The following DACH2 variants were observed in gnomAD, a reference collection of about 807,000 sequenced individuals.
The protein encoded by DACH2 is dachshund homolog 2.
Under a neutral mutation model 35.8 loss-of-function variants are expected in DACH2, and 17 were observed. The ratio of observed to expected loss-of-function variants is 0.48; its 90% confidence interval spans 0.33 to 0.71. DACH2 has a LOEUF of 0.71. Among genes scored for constraint, DACH2 ranks in the 30% least tolerant of loss-of-function variants. The pLI, the probability that DACH2 is intolerant of heterozygous loss-of-function variation, is 0.02. For missense variants in DACH2, 469 were observed against 472.7 expected (o/e 0.99, Z 0.07); for synonymous variants, 195 against 177.3 (o/e 1.10, Z -0.79).
chrX:86,545,029 C>T (rs754823719), intron 3 of DACH2, among the ~76,000 whole-genome samples: 3 of 111,540 alleles, frequency 2.7e-5, no homozygotes, highest in South Asian at 3.8e-4. Flanking sequence ...TCCTGACCTC[C>T]GGTGATCCAC....
intron 2 of DACH2, among the ~76,000 whole-genome samples, chrX:86,457,288 A>G (rs1333638806): frequency 8.9e-6 from 1 of 111,895 alleles, no homozygotes; most frequent in Non-Finnish European, 1.9e-5. Context: ...CAGCTATTAT[A>G]GGGACCAGAG....
chrX:86,746,513 G>A (rs1271916985), intron 7 of DACH2, among the ~76,000 whole-genome samples: 1 of 111,796 alleles, frequency 8.9e-6, no homozygotes, highest in Non-Finnish European at 1.9e-5. Flanking sequence ...ATCATTTTGA[G>A]CATCTTTTCC....
intron 1 of DACH2, among the ~76,000 whole-genome samples, chrX:86,322,698 G>T (rs1286756819): frequency 8.9e-6 from 1 of 112,231 alleles, no homozygotes; most frequent in Non-Finnish European, 1.9e-5. Flanking sequence ...TTTGAGCAAG[G>T]CCCCTTAATG....
intron 5 of DACH2, among the ~76,000 whole-genome samples, chrX:86,696,503 T>G (rs1452235190): frequency 8.9e-6 from 1 of 111,894 alleles, no homozygotes; most frequent in Non-Finnish European, 1.9e-5. Context: ...GCCTCTAGTC[T>G]GACATGTAAA....
At chrX:86,568,336 G>C (rs1211220695) in intron 3 of DACH2, among the ~76,000 whole-genome samples, 1 of 111,239 alleles carries the variant, frequency 9.0e-6, no homozygotes, top group East Asian at 2.8e-4. Context: ...TGTAACAAAT[G>C]CACCACTCTG....
chrX:86,475,973 C>T lies in DACH2; in HGVS notation c.528-38306C>T, dbSNP rs180834671. ...CTTTCATTCTGTTGATACGATGTAC[C>T]ACATCAATTGAGTTGTGTATGTGGA... On this transcript the variant is annotated intron_variant, in intron 2 of 11. Coordinates refer to ENST00000373125, the MANE Select transcript of DACH2 (RefSeq NM_053281.3). Among the ~76,000 whole-genome samples the T allele has an allele frequency of 3.9e-3, 437 of 111,974 alleles. 2 individuals are homozygous for T. The highest frequency in any genetic ancestry group is 0.014 in the African/African-American group (426 of 30,880).
At chrX:86,278,632 G>A (rs1260784892) in intron 1 of DACH2, among the ~76,000 whole-genome samples, 2 of 112,102 alleles carry the variant, frequency 1.8e-5, no homozygotes, top group African/African-American at 6.5e-5. Flanking sequence ...TAATAGAAAT[G>A]CTACTGACTT....
chrX:86,690,041 A>T (rs1288862670), intron 4 of DACH2, among the ~76,000 whole-genome samples: 1 of 111,892 alleles, frequency 8.9e-6, no homozygotes, highest in East Asian at 2.8e-4. Context: ...TATAAAGAGG[A>T]TCACTGATCC....
intron 5 of DACH2, among the ~76,000 whole-genome samples, chrX:86,713,107 CT>C (rs1488454578): frequency 2.7e-5 from 3 of 111,460 alleles, no homozygotes; most frequent in African/African-American, 9.8e-5. Flanking sequence ...TTTGTACTTT[CT>C]TGTTAACAGT....
chrX:86,747,810 T>C (rs902030442), intron 7 of DACH2, among the ~76,000 whole-genome samples: 7 of 111,570 alleles, frequency 6.3e-5, no homozygotes, highest in African/African-American at 2.3e-4. Flanking sequence ...TGACTTTTCC[T>C]TTCATGAAAG....
At chrX:86,735,928 C>A (rs140255183) in intron 6 of DACH2, among the ~76,000 whole-genome samples, 3,253 of 111,277 alleles carry the variant, frequency 0.029, 123 homozygotes, top group African/African-American at 0.1. Flanking sequence ...GGCATTATCA[C>A]TTGTGTTCTC....
intron 1 of DACH2, among the ~76,000 whole-genome samples, chrX:86,190,764 G>A (rs1453714890): frequency 9.0e-6 from 1 of 110,893 alleles, no homozygotes; most frequent in African/African-American, 3.3e-5. Context: ...GACCAACATG[G>A]AGAAACCCCA....
intron 1 of DACH2, among the ~76,000 whole-genome samples, chrX:86,299,313 A>G (rs55923745): frequency 0.16 from 17,470 of 110,809 alleles, 1,360 homozygotes; most frequent in Admixed American, 0.27. Context: ...CTTATGTTAC[A>G]CTGTGATGCA....
chrX:86,530,665 G>A (rs1331669041), intron 3 of DACH2, among the ~76,000 whole-genome samples: 1 of 111,965 alleles, frequency 8.9e-6, no homozygotes, highest in Non-Finnish European at 1.9e-5. Context: ...ATAGCAGTGT[G>A]AAAATGGACT....
At chrX:86,340,733 C>T (rs1961182912) in intron 1 of DACH2, among the ~76,000 whole-genome samples, 1 of 111,947 alleles carries the variant, frequency 8.9e-6, no homozygotes, top group South Asian at 3.7e-4. Flanking sequence ...AGGAAATGTT[C>T]TTGAGGGAAA....
chrX:86,712,677 G>T (rs1409432738), intron 5 of DACH2, among the ~76,000 whole-genome samples: 1 of 110,893 alleles, frequency 9.0e-6, no homozygotes, highest in Non-Finnish European at 1.9e-5. Flanking sequence ...AGGCCATTTT[G>T]AATTCAATGT....
At chrX:86,512,677 G>A (rs770470224) in intron 2 of DACH2, among the ~76,000 whole-genome samples, 1 of 112,110 alleles carries the variant, frequency 8.9e-6, no homozygotes, top group Admixed American at 9.5e-5. Flanking sequence ...ACACAAAAAA[G>A]CATTTAGAAA....
At chrX:86,472,516 A>G (rs1310802840) in intron 2 of DACH2, among the ~76,000 whole-genome samples, 1 of 112,055 alleles carries the variant, frequency 8.9e-6, no homozygotes, top group East Asian at 2.8e-4. Context: ...AAAAAATAAA[A>G]GACCCAAGTC....
intron 1 of DACH2, among the ~76,000 whole-genome samples, chrX:86,184,583 C>T (rs242862): frequency 0.48 from 53,469 of 110,425 alleles, 9,718 homozygotes; most frequent in Middle Eastern, 0.56. Context: ...ATAAGTTTTC[C>T]ACAACATGTC....
Sources: gnomAD v4.1 joint callset for allele counts (sites outside exome capture counted in the v4.1 genomes callset) on GRCh38, gnomAD v4.1.1 for gene constraint, MANE v1.5 for transcripts, NCBI Gene and HGNC (gene_info 2026-07-23, HGNC 2026-07-21) for gene names.